Variants in CDK19 observed in about 807,000 individuals in gnomAD.
The protein encoded by CDK19 is cyclin-dependent kinase 19.
A neutral mutation model predicts 68.3 loss-of-function variants in CDK19; 20 were observed. The observed-to-expected ratio is 0.29, with a 90% CI of 0.21 to 0.43. The LOEUF (loss-of-function observed/expected upper bound fraction) is 0.43. Among genes scored for constraint, CDK19 ranks in the 20% least tolerant of loss-of-function variants. CDK19 has a pLI of 1.00. For missense variants in CDK19, 339 were observed against 623.5 expected, an observed-to-expected ratio of 0.54 and a Z score of 4.86; for synonymous variants, 221 against 222.8, an observed-to-expected ratio of 0.99 and a Z score of 0.07.
At chr6:110,690,222 G>A (rs991108236) in intron 2 of CDK19, among the ~76,000 whole-genome samples, 1 of 148,704 alleles carries the variant, frequency 6.7e-6, no homozygotes, top group African/African-American at 2.5e-5. Context: ...CCCCACAGGA[G>A]GAGTATCTGC....
chr6:110,800,549 T>C (rs1782274611), intron 1 of CDK19, among the ~76,000 whole-genome samples: 1 of 151,824 alleles, frequency 6.6e-6, no homozygotes. Flanking sequence ...GATGCAAAAA[T>C]CCTCAGCAAA....
At position 110,610,667 on chromosome 6, in the gene CDK19, G is replaced by A. The variant is rs1290542396; in HGVS notation, c.*3868C>T. The A allele has an allele frequency of 6.6e-6, 1 of 152,110 alleles. No individual in the cohort carries two copies. Among genetic ancestry groups the A allele is most frequent in the African/African-American group, 2.4e-5 (1 of 41,424 alleles). The allele number at this position is 152,110 out of a possible 1,614,324, so 9.4% of individuals were successfully genotyped here. Reference sequence around the variant, plus strand: ...TTTATACAAAATATTACTTGTACTTGAATCCTTCAAGCCTCTGTTGGTCTA... The same window carrying A: ...TTTATACAAAATATTACTTGTACTTAAATCCTTCAAGCCTCTGTTGGTCTA... On this transcript the variant is annotated 3_prime_UTR_variant, in exon 13 of 13. Coordinates refer to ENST00000368911, the MANE Select transcript of CDK19 (RefSeq NM_015076.5).
At chr6:110,638,188 G>C (rs759636824) in intron 5 of CDK19, among the ~76,000 whole-genome samples, 6 of 152,176 alleles carry the variant, frequency 3.9e-5, no homozygotes, top group Admixed American at 6.5e-5. Context: ...GAAAAGGTAT[G>C]TTAGTACTTG....
intron 8 of CDK19, among the ~76,000 whole-genome samples, chr6:110,626,521 T>C (rs1779097163): frequency 6.6e-6 from 1 of 152,176 alleles, no homozygotes; most frequent in African/African-American, 2.4e-5. Context: ...TAATGCCTTG[T>C]AAAAGAGTAA....
intron 1 of CDK19, among the ~76,000 whole-genome samples, chr6:110,769,577 A>AAAAT (rs920149768): frequency 2.1e-5 from 3 of 146,314 alleles, no homozygotes; most frequent in African/African-American, 5.1e-5. Flanking sequence ...AAAAAAAAAA[A>AAAAT]AATAATAATA....
Position 110,610,006 on chromosome 6 carries a change from A to G in CDK19, c.*4529T>C, listed in dbSNP as rs1050700135. On this transcript the variant is annotated 3_prime_UTR_variant, in exon 13 of 13. Coordinates refer to ENST00000368911, the MANE Select transcript of CDK19 (RefSeq NM_015076.5). Reference sequence around the variant, plus strand: ...AGTCAATTAAATTTTATTTCAACCAAGAATATAAAATAAATGCAATGTAAT... The same window carrying G: ...AGTCAATTAAATTTTATTTCAACCAGGAATATAAAATAAATGCAATGTAAT... 5 of 152,256 alleles carry G rather than the reference A, an allele frequency of 3.3e-5. No individual in the cohort carries two copies. Among genetic ancestry groups the G allele is most frequent in the African/African-American group, 1.2e-4 (5 of 41,464 alleles). 9.4% of individuals were successfully genotyped at this position (152,256 alleles called of 1,614,324 possible).
chr6:110,618,580 GAGGTC>G (rs1420062608), intron 12 of CDK19, among the ~76,000 whole-genome samples: 4 of 152,222 alleles, frequency 2.6e-5, no homozygotes, highest in Non-Finnish European at 4.4e-5. Context: ...GGGTGGGGTT[GAGGTC>G]CCACCAGCAT....
At chr6:110,782,640 T>C (rs1780902157) in intron 1 of CDK19, among the ~76,000 whole-genome samples, 1 of 152,192 alleles carries the variant, frequency 6.6e-6, no homozygotes, top group Non-Finnish European at 1.5e-5. Flanking sequence ...TATTACTTGT[T>C]TGCATGTTAT....
chr6:110,720,391 A>C (rs1775771881), intron 2 of CDK19, among the ~76,000 whole-genome samples: 1 of 152,164 alleles, frequency 6.6e-6, no homozygotes, highest in African/African-American at 2.4e-5. Context: ...TCACCAAAGC[A>C]GCAAAACCAG....
chr6:110,776,430 A>G (rs75465531), intron 1 of CDK19, among the ~76,000 whole-genome samples: 1 of 89,676 alleles, frequency 1.1e-5, no homozygotes, highest in Admixed American at 9.2e-5. Flanking sequence ...ACTCTGTCTC[A>G]AAAAAAAAAA....
At chr6:110,679,865 G>T (rs970523500) in intron 2 of CDK19, among the ~76,000 whole-genome samples, 21 of 152,074 alleles carry the variant, frequency 1.4e-4, no homozygotes, top group Admixed American at 1.2e-3. Context: ...CTCCATGAAG[G>T]CAAAGGTATT....
chr6:110,790,964 G>A (rs1458199972), intron 1 of CDK19, among the ~76,000 whole-genome samples: 4 of 152,148 alleles, frequency 2.6e-5, no homozygotes, highest in African/African-American at 7.2e-5. Context: ...GAGGTCAGGA[G>A]TTCAAGACCA....
chr6:110,641,107 GA>G (rs758901546), intron 4 of CDK19, among the ~76,000 whole-genome samples: 36 of 151,332 alleles, frequency 2.4e-4, no homozygotes, highest in Non-Finnish European at 4.7e-4. Context: ...ATACTAGAAA[GA>G]AAAAGAAAAA....
chr6:110,705,821 A>AG, intron 2 of CDK19, among the ~76,000 whole-genome samples: 2 of 152,224 alleles, frequency 1.3e-5, no homozygotes, highest in Middle Eastern at 6.8e-3. Flanking sequence ...ATATAGCCAC[A>AG]GGGAGGGGAA....
chr6:110,708,108 C>T (rs915946272), intron 2 of CDK19, among the ~76,000 whole-genome samples: 11 of 152,114 alleles, frequency 7.2e-5, no homozygotes, highest in Non-Finnish European at 1.2e-4. Context: ...AAGAGGAAAG[C>T]GCTCTTTTCA....
At chr6:110,619,794 G>C (rs928236864) in intron 12 of CDK19, among the ~76,000 whole-genome samples, 4 of 151,992 alleles carry the variant, frequency 2.6e-5, no homozygotes, top group African/African-American at 9.7e-5. Flanking sequence ...ATTGAGTCCA[G>C]TCTTCCTCCC....
intron 2 of CDK19, among the ~76,000 whole-genome samples, chr6:110,724,489 C>T (rs966475146): frequency 3.9e-5 from 6 of 152,164 alleles, no homozygotes; most frequent in African/African-American, 9.7e-5. Context: ...GTATGGTTCT[C>T]GGTCTACCTG....
chr6:110,802,961 T>A (rs2115118653), intron 1 of CDK19, among the ~76,000 whole-genome samples: 1 of 152,286 alleles, frequency 6.6e-6, no homozygotes, highest in South Asian at 2.1e-4. Flanking sequence ...TTATTTAAAG[T>A]TATAATGGTA....
intron 4 of CDK19, among the ~76,000 whole-genome samples, chr6:110,650,712 C>A (rs974899455): frequency 2.0e-5 from 3 of 151,954 alleles, no homozygotes; most frequent in Non-Finnish European, 4.4e-5. Context: ...AGGCCCAAAG[C>A]AAAACGGGGG....
Sources: gnomAD v4.1 joint callset for allele counts (sites outside exome capture counted in the v4.1 genomes callset) on GRCh38, gnomAD v4.1.1 for gene constraint, MANE v1.5 for transcripts, NCBI Gene and HGNC (gene_info 2026-07-23, HGNC 2026-07-21) for gene names.